The following GALM variants were observed in gnomAD, a reference collection of about 807,000 sequenced individuals.
GALM encodes aldose 1-epimerase.
Under a neutral mutation model 37.4 loss-of-function variants are expected in GALM, and 43 were observed. The observed-to-expected ratio is 1.15, with a 90% CI of 0.90 to 1.48. GALM has a LOEUF of 1.48. GALM is among the 40% of genes most tolerant of loss of function. The pLI, the probability that GALM is intolerant of heterozygous loss-of-function variation, is 0.00. For missense variants in GALM, 456 were observed against 419.1 expected (o/e 1.09, Z -0.77); for synonymous variants, 199 against 170.6 (o/e 1.17, Z -1.30).
chr2:38,728,588 G>A (rs1418385485), intron 4 of GALM, among the ~76,000 whole-genome samples: 4 of 152,104 alleles, frequency 2.6e-5, no homozygotes, highest in Non-Finnish European at 4.4e-5. Context: ...ATGAGGCTGA[G>A]ACAGAAGAAT....
intron 6 of GALM, among the ~76,000 whole-genome samples, chr2:38,732,230 T>C (rs1321237028): frequency 6.6e-6 from 1 of 152,192 alleles, no homozygotes; most frequent in Non-Finnish European, 1.5e-5. Context: ...TTAATTTTTG[T>C]ATTTTTAGTA....
chr2:38,676,142 A>G, intron 2 of GALM, 76 bp downstream of exon 2: 3 of 1,432,288 alleles, frequency 2.1e-6, no homozygotes, highest in Non-Finnish European at 2.9e-6. Flanking sequence ...GCACAGTCAT[A>G]GGCCCTAGAG....
At chr2:38,697,722 G>A (rs1056472480) in intron 4 of GALM, among the ~76,000 whole-genome samples, 2 of 152,082 alleles carry the variant, frequency 1.3e-5, no homozygotes, top group African/African-American at 4.8e-5. Context: ...CCTCCATTTT[G>A]TTAGTAACCC....
intron 4 of GALM, among the ~76,000 whole-genome samples, chr2:38,715,600 G>C (rs767516950): frequency 6.6e-6 from 1 of 152,024 alleles, no homozygotes; most frequent in Non-Finnish European, 1.5e-5. Context: ...ACCACACCTG[G>C]CTAATTTTTG....
At chr2:38,720,857 C>T (rs1360159512) in intron 4 of GALM, among the ~76,000 whole-genome samples, 2 of 152,150 alleles carry the variant, frequency 1.3e-5, no homozygotes, top group South Asian at 2.1e-4. Flanking sequence ...GGGCAAATGT[C>T]TTGAGAGAGA....
intron 4 of GALM, among the ~76,000 whole-genome samples, chr2:38,716,961 C>T (rs1283305805): frequency 1.3e-5 from 2 of 152,144 alleles, no homozygotes; most frequent in East Asian, 1.9e-4. Flanking sequence ...GAAAGATTTA[C>T]GCTATGGGGC....
At chr2:38,678,631 C>A (rs929646464) in intron 2 of GALM, among the ~76,000 whole-genome samples, 3 of 152,144 alleles carry the variant, frequency 2.0e-5, no homozygotes, top group Non-Finnish European at 2.9e-5. Context: ...GAAAGTTCAA[C>A]CTTTCTGGGA....
At chr2:38,695,828 C>G (rs1665792900) in intron 4 of GALM, among the ~76,000 whole-genome samples, 1 of 151,950 alleles carries the variant, frequency 6.6e-6, no homozygotes, top group South Asian at 2.1e-4. Context: ...TCCTGAGTAG[C>G]TGGGACTACA....
intron 4 of GALM, chr2:38,698,393 G>T: frequency 5.4e-6 from 7 of 1,304,510 alleles, no homozygotes; most frequent in Non-Finnish European, 5.1e-6. Context: ...TTTCTGCAAG[G>T]CTGAGAGCTC....
intron 3 of GALM, among the ~76,000 whole-genome samples, chr2:38,686,245 T>TTTCTTTCTTTCTTTCTTTC (rs1558582067): frequency 1.1e-4 from 11 of 100,688 alleles, no homozygotes; most frequent in African/African-American, 5.8e-4. Context: ...TCTTTCTTTC[T>TTTCTTTCTTTCTTTCTTTC]TTCTTTCTTT....
intron 3 of GALM, among the ~76,000 whole-genome samples, chr2:38,686,177 CATTT>C (rs1271787518): frequency 6.7e-6 from 1 of 149,436 alleles, no homozygotes; most frequent in Non-Finnish European, 1.5e-5. Context: ...CATGTTGATT[CATTT>C]CTCTAGTGCT....
chr2:38,715,986 T>C (rs192220660), intron 4 of GALM, among the ~76,000 whole-genome samples: 4 of 152,300 alleles, frequency 2.6e-5, no homozygotes, highest in Admixed American at 2.6e-4. Context: ...AAGCCAGCCT[T>C]TAAATCCAGG....
At chr2:38,696,884 T>C (rs553920787) in intron 4 of GALM, among the ~76,000 whole-genome samples, 9 of 139,772 alleles carry the variant, frequency 6.4e-5, no homozygotes, top group African/African-American at 2.1e-4. Context: ...CTGCCTCCCA[T>C]GTTCAAGCAA....
rs1432661558 is a variant in GALM at position 38,696,971 on chromosome 2, G to A, written c.634+7077G>A. Among the ~76,000 whole-genome samples, 5 of 151,712 alleles carry A rather than the reference G, an allele frequency of 3.3e-5. No homozygotes were observed. In the East Asian group the frequency reaches 5.8e-4, roughly 18 times the overall value. On this transcript the variant is annotated intron_variant, in intron 4 of 6. Transcript: ENST00000272252. ...CGCCCGGCTAATTTTTGTATTTTTA[G>A]TAGAGAGGGGGTTTCACCATGTTGG...
chr2:38,678,738 C>A (rs1412101749), intron 2 of GALM, among the ~76,000 whole-genome samples: 1 of 152,182 alleles, frequency 6.6e-6, no homozygotes, highest in African/African-American at 2.4e-5. Context: ...GACCTCCGTT[C>A]CTGCTGGGTT....
chr2:38,731,633 C>G, intron 5 of GALM, 102 bp from the exon 6 acceptor site: 1 of 816,504 alleles, frequency 1.2e-6, no homozygotes, highest in Non-Finnish European at 2.0e-6. Flanking sequence ...TGTCCCTGCT[C>G]TGTGGCTGGG....
chr2:38,715,578 C>G (rs1666254099), intron 4 of GALM, among the ~76,000 whole-genome samples: 1 of 152,160 alleles, frequency 6.6e-6, no homozygotes, highest in African/African-American at 2.4e-5. Context: ...GCTGGGACCA[C>G]AGGTATGCAC....
chr2:38,669,002 C>T lies in GALM; in HGVS notation c.190+2651C>T, dbSNP rs565109769. On this transcript the variant is annotated intron_variant, in intron 1 of 6. Transcript: ENST00000272252. Reference sequence around the variant, plus strand: ...TTATATAAACTGTTTGGATGACAGCCATAACCAGAGGTCAGAATGGTTCAG... The same window carrying T: ...TTATATAAACTGTTTGGATGACAGCTATAACCAGAGGTCAGAATGGTTCAG... 6.6e-5 allele frequency: 10 copies of T among 152,134 alleles called. No individual in the cohort carries two copies. The South Asian group carries it at 2.1e-3, about 32-fold the overall frequency. 9.4% of individuals were successfully genotyped at this position (152,134 alleles called of 1,614,324 possible).
chr2:38,728,497 C>A (rs1666531782), intron 4 of GALM, among the ~76,000 whole-genome samples: 2 of 151,214 alleles, frequency 1.3e-5, no homozygotes, highest in South Asian at 4.2e-4. Flanking sequence ...AGTTCACGAC[C>A]AGCCTGGCCA....
Sources: gnomAD v4.1 joint callset for allele counts (sites outside exome capture counted in the v4.1 genomes callset) on GRCh38, gnomAD v4.1.1 for gene constraint, MANE v1.5 for transcripts, NCBI Gene and HGNC (gene_info 2026-07-23, HGNC 2026-07-21) for gene names.